Variants in ACER2 observed in about 807,000 individuals in gnomAD.
ACER2 encodes alkCDase 2.
A neutral mutation model predicts 34.7 loss-of-function variants in ACER2; 26 were observed. The observed-to-expected ratio is 0.75, with a 90% CI of 0.55 to 1.04. ACER2 has a LOEUF of 1.04. Ranked by LOEUF, ACER2 falls within the 50% of genes least tolerant of loss-of-function variation. The pLI, the probability that ACER2 is intolerant of heterozygous loss-of-function variation, is 0.00. For missense variants in ACER2, 352 were observed against 340.8 expected, an observed-to-expected ratio of 1.03 and a Z score of -0.26; for synonymous variants, 138 against 132.1, an observed-to-expected ratio of 1.04 and a Z score of -0.31.
chr9:19,437,060 T>A (rs1216794449), intron 4 of ACER2, among the ~76,000 whole-genome samples: 2 of 152,338 alleles, frequency 1.3e-5, no homozygotes, highest in African/African-American at 2.4e-5. Flanking sequence ...AGATTGTGTA[T>A]TCAACCTTTT....
At chr9:19,418,901 T>C (rs762895112) in intron 1 of ACER2, among the ~76,000 whole-genome samples, 22 of 152,060 alleles carry the variant, frequency 1.4e-4, no homozygotes, top group Non-Finnish European at 2.9e-4. Context: ...AAAAGCCTAC[T>C]GCTGGCCGGG....
chr9:19,416,594 C>T (rs1052389043), intron 1 of ACER2, among the ~76,000 whole-genome samples: 5 of 150,464 alleles, frequency 3.3e-5, no homozygotes, highest in South Asian at 2.1e-4. Flanking sequence ...GGTGTGATCT[C>T]GGCTTACTGC....
intron 3 of ACER2, among the ~76,000 whole-genome samples, chr9:19,434,138 C>T (rs1489650848): frequency 3.7e-5 from 5 of 133,346 alleles, no homozygotes; most frequent in Non-Finnish European, 6.3e-5. Context: ...CCAGACAGGG[C>T]GGCGGGGCAG....
intron 4 of ACER2, among the ~76,000 whole-genome samples, chr9:19,442,918 C>T (rs552744560): frequency 4.6e-5 from 7 of 152,010 alleles, no homozygotes; most frequent in African/African-American, 1.2e-4. Flanking sequence ...CTGCAACCTC[C>T]GCCTCCTGGG....
chr9:19,426,358 T>TC (rs1830569740), intron 3 of ACER2, among the ~76,000 whole-genome samples: 12 of 118,314 alleles, frequency 1.0e-4, no homozygotes, highest in Middle Eastern at 4.2e-3. Flanking sequence ...CTCCCTCTCT[T>TC]TCTCTCTCTC....
At position 19,451,774 on chromosome 9, in the gene ACER2, T is replaced by G. The variant is rs1235729781; in HGVS notation, c.*1138T>G. The G allele has an allele frequency of 1.3e-5, 2 of 152,172 alleles. No homozygotes were observed. The highest frequency in any genetic ancestry group is 4.8e-5 in the African/African-American group (2 of 41,438). 9.4% of individuals were successfully genotyped at this position (152,172 alleles called of 1,614,324 possible). A position where few individuals can be genotyped will look rare whatever the true frequency, so the allele number is the denominator to read the frequency against. ...TCTGGTTCAAAATTTGGAGCAAACA[T>G]GAAGTTTTTGGAAACGTTTTCTCAT... On this transcript the variant is annotated 3_prime_UTR_variant, in exon 6 of 6. Coordinates refer to ENST00000340967, the MANE Select transcript of ACER2 (RefSeq NM_001010887.3).
intron 4 of ACER2, among the ~76,000 whole-genome samples, chr9:19,436,002 T>C (rs1041962109): frequency 2.6e-5 from 4 of 152,176 alleles, no homozygotes; most frequent in African/African-American, 9.6e-5. Context: ...TGAGCCGCGA[T>C]TGTGCCACTG....
At chr9:19,443,331 A>G (rs1208742527) in intron 4 of ACER2, among the ~76,000 whole-genome samples, 1 of 151,142 alleles carries the variant, frequency 6.6e-6, no homozygotes, top group African/African-American at 2.4e-5. Flanking sequence ...CACGCCCGGC[A>G]CATTTATTGT....
At chr9:19,435,507 C>T (rs1830933806) in intron 4 of ACER2, among the ~76,000 whole-genome samples, 1 of 152,244 alleles carries the variant, frequency 6.6e-6, no homozygotes, top group African/African-American at 2.4e-5. Flanking sequence ...GATACTTTCT[C>T]TGAGGCTTAA....
intron 1 of ACER2, among the ~76,000 whole-genome samples, chr9:19,419,291 A>G (rs1474639112): frequency 6.6e-6 from 1 of 152,220 alleles, no homozygotes; most frequent in Non-Finnish European, 1.5e-5. Flanking sequence ...AAAATTGACC[A>G]CATTTCTTTT....
At chr9:19,433,914 ACC>A (rs1830849594) in intron 3 of ACER2, among the ~76,000 whole-genome samples, 1 of 131,564 alleles carries the variant, frequency 7.6e-6, no homozygotes. Context: ...TAGGGGGCTG[ACC>A]TCCTCCAGGA....
chr9:19,438,186 G>A (rs750727495), intron 4 of ACER2, among the ~76,000 whole-genome samples: 3 of 152,196 alleles, frequency 2.0e-5, no homozygotes, highest in Admixed American at 1.3e-4. Flanking sequence ...AGGTCTTACT[G>A]TCCTTATTTG....
At chr9:19,426,378 CTCTCTCTCTCTCT>C (rs2132482426) in intron 3 of ACER2, among the ~76,000 whole-genome samples, 1 of 148,912 alleles carries the variant, frequency 6.7e-6, no homozygotes, top group Admixed American at 6.7e-5. Context: ...CTCTCTCTCT[CTCTCTCTCTCTCT>C]CCTCCTTTCC....
chr9:19,412,697 C>G (rs1472532345), intron 1 of ACER2, among the ~76,000 whole-genome samples: 3 of 150,540 alleles, frequency 2.0e-5, no homozygotes, highest in Non-Finnish European at 4.4e-5. Context: ...GGCGTAATCA[C>G]GAATACTTGA....
At position 19,444,154 on chromosome 9, in the gene ACER2, T is replaced by TA. The variant is rs142554474; in HGVS notation, c.504-2113dup. On this transcript the variant is annotated intron_variant, in intron 4 of 5. Transcript: ENST00000340967. Reference sequence around the variant, plus strand: ...AATACACTAATGATAGCTGATGAGCTAAAAAAAAAAAAAAGAAAAGAAAAA... The same window carrying TA: ...AATACACTAATGATAGCTGATGAGCTAAAAAAAAAAAAAAAGAAAAGAAAAA... Among the ~76,000 whole-genome samples, 486 of 95,664 alleles carry TA rather than the reference T, an allele frequency of 5.1e-3. 2 individuals are homozygous for TA. Among genetic ancestry groups the TA allele is most frequent in the South Asian group, 8.9e-3 (26 of 2,920 alleles). 62.8% of individuals were successfully genotyped at this position (95,664 alleles called of 152,430 possible).
intron 3 of ACER2, among the ~76,000 whole-genome samples, chr9:19,432,098 G>A (rs141942614): frequency 1.3e-5 from 2 of 152,260 alleles, no homozygotes; most frequent in East Asian, 1.9e-4. Context: ...GGATCACGTC[G>A]CCACTTCCGG....
intron 3 of ACER2, among the ~76,000 whole-genome samples, chr9:19,432,748 T>G (rs534624253): frequency 6.8e-6 from 1 of 148,126 alleles, no homozygotes; most frequent in Admixed American, 6.8e-5. Flanking sequence ...TATATAAATA[T>G]ATTTAATTAA....
chr9:19,437,550 C>A (rs576325927), intron 4 of ACER2, among the ~76,000 whole-genome samples: 7 of 152,302 alleles, frequency 4.6e-5, no homozygotes, highest in African/African-American at 9.6e-5. Flanking sequence ...GACTGTTACT[C>A]CCTTATCCTT....
rs1831594631 is a variant in ACER2, at chr9:19,452,374, C to G, written c.*1738C>G. On this transcript the variant is annotated 3_prime_UTR_variant, in exon 6 of 6. Coordinates refer to ENST00000340967, the MANE Select transcript of ACER2 (RefSeq NM_001010887.3). ...GAATTTAGAGTTTAAAAATGAATGA[C>G]TTTATGCTACATCTGTGGTTATCAA... 6.6e-6 allele frequency among the ~76,000 whole-genome samples: 1 copy of G among 152,114 alleles called. No homozygotes were observed. Among genetic ancestry groups the G allele is most frequent in the African/African-American group, 2.4e-5 (1 of 41,428 alleles).
Sources: allele counts gnomAD v4.1 joint callset (sites outside exome capture counted in the v4.1 genomes callset), GRCh38; gene constraint gnomAD v4.1.1; transcripts MANE v1.5; gene names NCBI Gene and HGNC (gene_info 2026-07-23, HGNC 2026-07-21).